Variants in ERAP1 observed in about 807,000 individuals in gnomAD.
ERAP1 encodes adipocyte-derived leucine aminopeptidase.
In ERAP1, 86 loss-of-function variants were observed where a neutral mutation model predicts 103.7. That is an observed-to-expected ratio of 0.83 (90% CI 0.70 to 0.99). The LOEUF (loss-of-function observed/expected upper bound fraction) is 0.99, where lower values mean the gene tolerates loss of function less well. Ranked by LOEUF, ERAP1 falls within the 50% of genes least tolerant of loss-of-function variation. The pLI, the probability that ERAP1 is intolerant of heterozygous loss-of-function variation, is 0.00. For missense variants in ERAP1, 1,009 were observed against 1,128.4 expected (o/e 0.89, Z 1.52); for synonymous variants, 398 against 402.4 (o/e 0.99, Z 0.13).
chr5:96,818,165 TA>T, the ERAP1 span, among the ~76,000 whole-genome samples: 1 of 152,194 alleles, frequency 6.6e-6, no homozygotes, highest in Non-Finnish European at 1.5e-5. Context: ...GATGAATATT[TA>T]ACATTGTGAC....
the ERAP1 span, among the ~76,000 whole-genome samples, chr5:96,849,440 T>C: frequency 4.6e-5 from 7 of 152,088 alleles, no homozygotes; most frequent in South Asian, 2.1e-4. Flanking sequence ...AAAAGCAACA[T>C]ACAAAAATCA....
chr5:96,774,396 A>ATAAC (rs1249253199), downstream of ERAP1: 3 of 469,854 alleles, frequency 6.4e-6, no homozygotes, highest in South Asian at 9.0e-5. Flanking sequence ...GTGTTTGTTA[A>ATAAC]TAACTAATAA....
intron 19 of ERAP1, among the ~76,000 whole-genome samples, chr5:96,766,733 C>A (rs75285346): frequency 0.015 from 2,308 of 152,316 alleles, 52 homozygotes; most frequent in African/African-American, 0.053. Flanking sequence ...CACCTCTTTC[C>A]TATTTAGTTT....
At chr5:96,827,912 T>A in the ERAP1 span, among the ~76,000 whole-genome samples, 3 of 152,290 alleles carry the variant, frequency 2.0e-5, no homozygotes, top group Non-Finnish European at 4.4e-5. Context: ...ACACTGGCCA[T>A]TATTTCTTCT....
At chr5:96,837,665 G>C in the ERAP1 span, among the ~76,000 whole-genome samples, 1 of 152,234 alleles carries the variant, frequency 6.6e-6, no homozygotes, top group Admixed American at 6.5e-5. Context: ...TGCTCTTTTA[G>C]CTTTGCTGTC....
the ERAP1 span, among the ~76,000 whole-genome samples, chr5:96,869,995 A>C: frequency 1.5e-4 from 23 of 152,242 alleles, 1 homozygote; most frequent in African/African-American, 5.5e-4. Flanking sequence ...AAGATAGTGA[A>C]GAATTACTAA....
chr5:96,834,149 G>A, the ERAP1 span, among the ~76,000 whole-genome samples: 3 of 152,272 alleles, frequency 2.0e-5, no homozygotes, highest in East Asian at 1.9e-4. Context: ...AGTGACTTCC[G>A]CAGTTAGTTA....
At chr5:96,818,475 C>T in the ERAP1 span, among the ~76,000 whole-genome samples, 7 of 151,368 alleles carry the variant, frequency 4.6e-5, no homozygotes, top group African/African-American at 1.7e-4. Context: ...AAATATGGCC[C>T]TAGAGTTAAT....
chr5:96,817,919 C>T, the ERAP1 span, among the ~76,000 whole-genome samples: 10 of 152,190 alleles, frequency 6.6e-5, no homozygotes, highest in Admixed American at 2.0e-4. Context: ...TGTTTGCTTT[C>T]CCGACTCTGC....
chr5:96,808,283 C>CT (rs1195436776), upstream of ERAP1: 219 of 649,060 alleles, frequency 3.4e-4, 2 homozygotes, highest in Admixed American at 5.8e-3. Flanking sequence ...TTGTTTTTGT[C>CT]TTTTTTTTTT....
the ERAP1 span, among the ~76,000 whole-genome samples, chr5:96,853,718 C>A: frequency 1.3e-5 from 2 of 151,860 alleles, no homozygotes; most frequent in African/African-American, 2.4e-5. Context: ...TTGGAACTCA[C>A]AGTGAACTGT....
chr5:96,784,185 T>C, intron 13 of ERAP1, 105 bp from the exon 14 acceptor site: 1 of 1,229,476 alleles, frequency 8.1e-7, no homozygotes, highest in Non-Finnish European at 1.2e-6. Flanking sequence ...CAATCAGATA[T>C]AAATGTCCCT....
chr5:96,892,691 C>A, the ERAP1 span, among the ~76,000 whole-genome samples: 3 of 152,150 alleles, frequency 2.0e-5, no homozygotes, highest in Non-Finnish European at 2.9e-5. Flanking sequence ...CCTTTCAAAG[C>A]AAAGCCTTCA....
At chr5:96,879,915 A>T in the ERAP1 span, 2 of 1,614,078 alleles carry the variant, frequency 1.2e-6, no homozygotes, top group Admixed American at 3.3e-5. Flanking sequence ...ATTCCTCTCC[A>T]TTATGACCTC....
Position 96,784,100 on chromosome 5 carries a change from G to C in ERAP1, c.1944-20C>G. 1.9e-6 allele frequency: 3 copies of C among 1,613,802 alleles called. No homozygotes were observed. The highest frequency in any genetic ancestry group is 1.7e-6 in the Non-Finnish European group (2 of 1,179,772). ...CCAATGCTGACCAAGAGACACTGTG[G>C]TTAGTGGTTTAAAAGTAAATCCGGG... On this transcript the variant is annotated intron_variant, in intron 13 of 18. Coordinates refer to ENST00000443439, the MANE Select transcript of ERAP1 (RefSeq NM_001040458.3).
At chr5:96,859,920 A>G in the ERAP1 span, among the ~76,000 whole-genome samples, 1 of 152,178 alleles carries the variant, frequency 6.6e-6, no homozygotes, top group East Asian at 1.9e-4. Context: ...TAGCTGGTGT[A>G]AAATAATACT....
At chr5:96,874,230 G>A in the ERAP1 span, among the ~76,000 whole-genome samples, 1 of 152,132 alleles carries the variant, frequency 6.6e-6, no homozygotes, top group Non-Finnish European at 1.5e-5. Context: ...CCATTTTGCT[G>A]AGAAACTCTT....
the ERAP1 span, among the ~76,000 whole-genome samples, chr5:96,844,209 T>A: frequency 6.6e-6 from 1 of 152,250 alleles, no homozygotes; most frequent in Non-Finnish European, 1.5e-5. Flanking sequence ...AGTGATATGA[T>A]GACTTCCAAC....
the ERAP1 span, among the ~76,000 whole-genome samples, chr5:96,928,266 A>C: frequency 6.6e-6 from 1 of 152,170 alleles, no homozygotes; most frequent in African/African-American, 2.4e-5. Flanking sequence ...CATTACAATG[A>C]AGTTGTTATG....
Sources: gnomAD v4.1 joint callset for allele counts (sites outside exome capture counted in the v4.1 genomes callset) on GRCh38, gnomAD v4.1.1 for gene constraint, MANE v1.5 for transcripts, NCBI Gene and HGNC (gene_info 2026-07-23, HGNC 2026-07-21) for gene names.